RBPMS: variants seen among roughly 807,000 people sequenced by gnomAD.
RBPMS encodes the protein RNA binding protein, mRNA processing factor.
RBPMS carries 7 observed loss-of-function variants against 26.8 expected under a neutral mutation model. The ratio of observed to expected loss-of-function variants is 0.26; its 90% CI spans 0.15 to 0.49. RBPMS has a LOEUF of 0.49. Ranked by LOEUF, RBPMS falls within the 20% of genes least tolerant of loss-of-function variation. RBPMS has a pLI of 0.98. For missense variants in RBPMS, 186 were observed against 250.0 expected (o/e 0.74, Z 1.73); for synonymous variants, 96 against 93.3 (o/e 1.03, Z -0.17).
intron 1 of RBPMS, among the ~76,000 whole-genome samples, chr8:30,460,500 C>T (rs1181584107): frequency 3.3e-5 from 5 of 152,256 alleles, no homozygotes; most frequent in East Asian, 3.9e-4. Context: ...GCTCTGTGAA[C>T]GTCCCTAGGC....
chr8:30,456,879 C>G (rs1023592082), intron 1 of RBPMS, among the ~76,000 whole-genome samples: 2 of 152,234 alleles, frequency 1.3e-5, no homozygotes, highest in Non-Finnish European at 2.9e-5. Flanking sequence ...CGAGATCACG[C>G]CACTGTACTC....
intron 5 of RBPMS, among the ~76,000 whole-genome samples, chr8:30,539,445 T>G (rs1055909814): frequency 6.6e-6 from 1 of 152,142 alleles, no homozygotes; most frequent in Non-Finnish European, 1.5e-5. Flanking sequence ...TTATAAGTTA[T>G]CTGTGAGACC....
intron 1 of RBPMS, among the ~76,000 whole-genome samples, chr8:30,417,532 TA>T (rs1810237822): frequency 6.6e-6 from 1 of 152,236 alleles, no homozygotes; most frequent in African/African-American, 2.4e-5. Context: ...TGTGACTTTT[TA>T]AACATGTAAA....
intron 1 of RBPMS, among the ~76,000 whole-genome samples, chr8:30,437,901 A>G (rs1042846055): frequency 1.3e-5 from 2 of 151,492 alleles, no homozygotes; most frequent in Non-Finnish European, 2.9e-5. Flanking sequence ...GGAGGTTGCA[A>G]TGGACCAAGA....
chr8:30,567,608 C>T (rs1267645568), intron 8 of RBPMS, among the ~76,000 whole-genome samples: 2 of 151,518 alleles, frequency 1.3e-5, no homozygotes, highest in Non-Finnish European at 2.9e-5. Flanking sequence ...TTTTTTTCCA[C>T]TTATGCAATT....
chr8:30,417,073 G>A (rs965234351), intron 1 of RBPMS, among the ~76,000 whole-genome samples: 6 of 152,130 alleles, frequency 3.9e-5, no homozygotes, highest in African/African-American at 1.4e-4. Context: ...TCCTGGCCTT[G>A]TTTTGTTTTT....
intron 5 of RBPMS, among the ~76,000 whole-genome samples, chr8:30,511,447 C>T (rs1821581520): frequency 7.4e-6 from 1 of 134,486 alleles, no homozygotes. Context: ...CATGGCAAAA[C>T]CCCATCTCTT....
chr8:30,425,503 C>T (rs759946968), intron 1 of RBPMS, among the ~76,000 whole-genome samples: 5 of 152,052 alleles, frequency 3.3e-5, no homozygotes, highest in African/African-American at 4.8e-5. Flanking sequence ...CTGGTTCAAG[C>T]GATTCTCCTG....
chr8:30,478,563 G>A (rs996433527), intron 3 of RBPMS, among the ~76,000 whole-genome samples: 7 of 150,678 alleles, frequency 4.6e-5, no homozygotes, highest in African/African-American at 1.7e-4. Flanking sequence ...GCAGTGGCGC[G>A]ATCTCGGCTC....
At chr8:30,483,327 T>TA (rs1818466327) in intron 4 of RBPMS, among the ~76,000 whole-genome samples, 1 of 152,200 alleles carries the variant, frequency 6.6e-6, no homozygotes, top group Non-Finnish European at 1.5e-5. Flanking sequence ...GGCTAGGTTT[T>TA]ATCTTAGACT....
At chr8:30,471,463 C>T (rs751597557) in intron 1 of RBPMS, among the ~76,000 whole-genome samples, 2 of 152,068 alleles carry the variant, frequency 1.3e-5, no homozygotes, top group African/African-American at 2.4e-5. Flanking sequence ...TCATATTTAT[C>T]ACATGGTAAG....
chr8:30,443,872 GGT>G (rs757617372), intron 1 of RBPMS, among the ~76,000 whole-genome samples: 26 of 152,132 alleles, frequency 1.7e-4, no homozygotes, highest in Non-Finnish European at 2.4e-4. Flanking sequence ...TGGGATTACA[GGT>G]GTGAGCCACC....
chr8:30,459,395 A>G (rs1815635562), intron 1 of RBPMS, among the ~76,000 whole-genome samples: 1 of 152,128 alleles, frequency 6.6e-6, no homozygotes, highest in African/African-American at 2.4e-5. Context: ...AGCTGGGACT[A>G]CAGGCATGAA....
At chr8:30,411,335 G>A (rs761762032) in intron 1 of RBPMS, among the ~76,000 whole-genome samples, 26 of 152,168 alleles carry the variant, frequency 1.7e-4, no homozygotes, top group Non-Finnish European at 2.4e-4. Context: ...AGGACGGAGG[G>A]TGGTGTGTGT....
intron 4 of RBPMS, among the ~76,000 whole-genome samples, chr8:30,498,819 T>TC (rs1376249043): frequency 1.3e-5 from 2 of 152,098 alleles, no homozygotes; most frequent in African/African-American, 4.8e-5. Context: ...TGGTGTTAGA[T>TC]TGGAATTGGA....
At chr8:30,429,671 G>A (rs1039362580) in intron 1 of RBPMS, among the ~76,000 whole-genome samples, 1 of 151,992 alleles carries the variant, frequency 6.6e-6, no homozygotes, top group African/African-American at 2.4e-5. Flanking sequence ...GACTTCCTTG[G>A]AGCCATTTCC....
At chr8:30,461,303 T>G (rs1448754057) in intron 1 of RBPMS, among the ~76,000 whole-genome samples, 1 of 152,194 alleles carries the variant, frequency 6.6e-6, no homozygotes, top group East Asian at 1.9e-4. Flanking sequence ...TTCTTCAACA[T>G]TTTTAAATAT....
chr8:30,447,257 C>T (rs1038101216), intron 1 of RBPMS, among the ~76,000 whole-genome samples: 1 of 152,064 alleles, frequency 6.6e-6, no homozygotes, highest in Non-Finnish European at 1.5e-5. Context: ...TGGAAAAATT[C>T]GAAAACTGAA....
At chr8:30,511,586 T>G (rs912642765) in intron 5 of RBPMS, among the ~76,000 whole-genome samples, 9 of 148,376 alleles carry the variant, frequency 6.1e-5, no homozygotes, top group Non-Finnish European at 8.9e-5. Flanking sequence ...TATATGTGTA[T>G]AGATATATAT....
Sources: allele counts gnomAD v4.1 joint callset (sites outside exome capture counted in the v4.1 genomes callset), GRCh38; gene constraint gnomAD v4.1.1; transcripts MANE v1.5; gene names NCBI Gene and HGNC (gene_info 2026-07-23, HGNC 2026-07-21).